The following LRMDA variants were observed in gnomAD, a reference collection of about 807,000 sequenced individuals.
The protein encoded by LRMDA is leucine rich melanocyte differentiation associated, also known as leucine-rich melanocyte differentiation-associated protein.
In LRMDA, 18 loss-of-function variants were observed where a neutral mutation model predicts 29.8. That is an observed-to-expected ratio of 0.60 (90% CI 0.42 to 0.90). LRMDA has a LOEUF of 0.90. LRMDA is among the 40% of genes least tolerant of loss of function. The probability of loss-of-function intolerance (pLI) is 0.00; values close to 1 mark genes in which losing one functional copy is unlikely to be tolerated. For missense variants in LRMDA, 273 were observed against 273.9 expected, an observed-to-expected ratio of 1.00 and a Z score of 0.02; for synonymous variants, 125 against 109.4, an observed-to-expected ratio of 1.14 and a Z score of -0.89.
chr10:75,532,060 A>G (rs1264832887), intron 2 of LRMDA, among the ~76,000 whole-genome samples: 5 of 150,608 alleles, frequency 3.3e-5, no homozygotes, highest in African/African-American at 1.2e-4. Context: ...AAGAAAGAAA[A>G]AAAAAAAAAA....
At chr10:76,426,919 T>G (rs1842132737) in intron 6 of LRMDA, among the ~76,000 whole-genome samples, 1 of 152,126 alleles carries the variant, frequency 6.6e-6, no homozygotes, top group Admixed American at 6.5e-5. Flanking sequence ...GTTGTAGATG[T>G]GTGGTATTAT....
intron 2 of LRMDA, among the ~76,000 whole-genome samples, chr10:75,881,134 C>T (rs564323303): frequency 6.6e-6 from 1 of 152,188 alleles, no homozygotes; most frequent in South Asian, 2.1e-4. Context: ...TTCCCATAGT[C>T]ATGGAGAGGA....
intron 5 of LRMDA, among the ~76,000 whole-genome samples, chr10:76,070,684 G>A (rs895428341): frequency 6.6e-6 from 1 of 152,158 alleles, no homozygotes; most frequent in Non-Finnish European, 1.5e-5. Context: ...TAAGTTTTCT[G>A]GAATTTATCC....
chr10:75,579,137 G>A (rs12260471), intron 2 of LRMDA, among the ~76,000 whole-genome samples: 2,615 of 152,252 alleles, frequency 0.017, 79 homozygotes, highest in African/African-American at 0.06. Context: ...CCAGGAGCTG[G>A]TTTTTTGAAA....
intron 2 of LRMDA, among the ~76,000 whole-genome samples, chr10:75,794,574 T>C (rs1843621048): frequency 6.6e-6 from 1 of 152,218 alleles, no homozygotes; most frequent in Non-Finnish European, 1.5e-5. Flanking sequence ...TTGAGAGTTC[T>C]ACCTACTCTA....
intron 6 of LRMDA, among the ~76,000 whole-genome samples, chr10:76,404,993 A>C (rs1294966417): frequency 6.6e-6 from 1 of 152,200 alleles, no homozygotes; most frequent in Non-Finnish European, 1.5e-5. Flanking sequence ...GAAAGGCAAA[A>C]GGAAATGATT....
At chr10:75,818,167 T>C (rs1844093025) in intron 2 of LRMDA, among the ~76,000 whole-genome samples, 2 of 152,194 alleles carry the variant, frequency 1.3e-5, no homozygotes, top group African/African-American at 4.8e-5. Flanking sequence ...CCATGGTTAG[T>C]CACATACCCA....
At position 76,043,988 on chromosome 10, in the gene LRMDA, C is replaced by T. The variant is rs776202710; in HGVS notation, c.259-3176C>T. On this transcript the variant is annotated intron_variant, in intron 3 of 6. Transcript: ENST00000611255. ...CTCAGTCGTGTAGGGCCCTTGTCTA[C>T]GTAAATAATTAGAATCACTCCAAGT... Among the ~76,000 whole-genome samples, 15 of 149,150 alleles carry T rather than the reference C, an allele frequency of 1.0e-4. No homozygotes were observed. The East Asian group carries it at 2.0e-3, about 20-fold the overall frequency.
At chr10:76,390,588 C>T (rs1841711870) in intron 6 of LRMDA, among the ~76,000 whole-genome samples, 1 of 152,008 alleles carries the variant, frequency 6.6e-6, no homozygotes, top group Admixed American at 6.5e-5. Flanking sequence ...CCTGTGTAGC[C>T]ATTCTGGCTG....
At chr10:76,143,348 C>T (rs967792067) in intron 5 of LRMDA, among the ~76,000 whole-genome samples, 4 of 152,188 alleles carry the variant, frequency 2.6e-5, no homozygotes, top group African/African-American at 4.8e-5. Flanking sequence ...TTCTCTCCAG[C>T]ACCTGTTGTT....
At chr10:75,627,899 T>G (rs970501790) in intron 2 of LRMDA, among the ~76,000 whole-genome samples, 1 of 152,206 alleles carries the variant, frequency 6.6e-6, no homozygotes, top group African/African-American at 2.4e-5. Flanking sequence ...AAAATAATCA[T>G]GTTTGCAATT....
intron 5 of LRMDA, among the ~76,000 whole-genome samples, chr10:76,149,290 G>T (rs991062408): frequency 6.6e-6 from 1 of 152,192 alleles, no homozygotes; most frequent in Admixed American, 6.5e-5. Flanking sequence ...GTGCTGTGAG[G>T]ACGGAAGAGA....
intron 2 of LRMDA, among the ~76,000 whole-genome samples, chr10:75,446,046 C>G (rs533103790): frequency 2.0e-5 from 3 of 152,350 alleles, no homozygotes; most frequent in African/African-American, 7.2e-5. Context: ...TTCTCCCCTG[C>G]TGCAGGCAAT....
At chr10:75,948,168 G>A (rs562012458) in intron 2 of LRMDA, among the ~76,000 whole-genome samples, 4 of 152,268 alleles carry the variant, frequency 2.6e-5, no homozygotes, top group African/African-American at 9.6e-5. Flanking sequence ...AGGGTTAAAG[G>A]TGGCTTTTCT....
At chr10:76,321,639 T>C (rs556498926) in intron 5 of LRMDA, among the ~76,000 whole-genome samples, 1 of 152,268 alleles carries the variant, frequency 6.6e-6, no homozygotes, top group East Asian at 1.9e-4. Flanking sequence ...TTCCTTGCCA[T>C]AGGCATTTAG....
chr10:75,454,303 C>T (rs575409771), intron 2 of LRMDA, among the ~76,000 whole-genome samples: 48 of 152,226 alleles, frequency 3.2e-4, no homozygotes, highest in African/African-American at 1.1e-3. Flanking sequence ...CTACTTTCTA[C>T]AGACCCACCT....
intron 2 of LRMDA, among the ~76,000 whole-genome samples, chr10:75,567,494 C>T (rs1371281113): frequency 6.6e-6 from 1 of 152,198 alleles, no homozygotes; most frequent in Non-Finnish European, 1.5e-5. Context: ...GCCAAATGAT[C>T]TTCCTTTTTT....
intron 2 of LRMDA, among the ~76,000 whole-genome samples, chr10:75,546,223 C>T (rs563128633): frequency 6.6e-6 from 1 of 152,256 alleles, no homozygotes; most frequent in South Asian, 2.1e-4. Flanking sequence ...TCTTACTGAG[C>T]TCTAGTGTTT....
chr10:75,435,811 C>T (rs1844257583), intron 1 of LRMDA, among the ~76,000 whole-genome samples: 1 of 152,150 alleles, frequency 6.6e-6, no homozygotes, highest in Non-Finnish European at 1.5e-5. Flanking sequence ...CTCTAACACT[C>T]TTCTTGGGTC....
Sources: gnomAD v4.1 joint callset for allele counts (sites outside exome capture counted in the v4.1 genomes callset) on GRCh38, gnomAD v4.1.1 for gene constraint, MANE v1.5 for transcripts, NCBI Gene and HGNC (gene_info 2026-07-23, HGNC 2026-07-21) for gene names.